The following ULK4 variants were observed in gnomAD, a reference collection of about 807,000 sequenced individuals.
The protein encoded by ULK4 is inactive serine/threonine-protein kinase ULK4.
A neutral mutation model predicts 160.6 loss-of-function variants in ULK4; 133 were observed. That is an observed-to-expected ratio of 0.83 (90% CI 0.72 to 0.96). The LOEUF is 0.96. Ranked by LOEUF, ULK4 falls within the 40% of genes least tolerant of loss-of-function variation. The pLI, the probability that ULK4 is intolerant of heterozygous loss-of-function variation, is 0.00. For missense variants in ULK4, 1,580 were observed against 1,499.5 expected (o/e 1.05, Z -0.89); for synonymous variants, 534 against 539.8 (o/e 0.99, Z 0.15).
At chr3:41,679,061 T>G (rs951901600) in intron 29 of ULK4, among the ~76,000 whole-genome samples, 63 of 152,326 alleles carry the variant, frequency 4.1e-4, no homozygotes, top group African/African-American at 1.4e-3. Context: ...AAAATTTTTT[T>G]TTACATCTAT....
intron 17 of ULK4, among the ~76,000 whole-genome samples, chr3:41,864,397 G>T (rs960908232): frequency 1.9e-4 from 29 of 150,316 alleles, no homozygotes; most frequent in African/African-American, 7.1e-4. Context: ...TGTTTTTGGT[G>T]CCTCTTTCAG....
At chr3:41,758,435 T>C (rs2038875909) in intron 21 of ULK4, among the ~76,000 whole-genome samples, 1 of 152,150 alleles carries the variant, frequency 6.6e-6, no homozygotes, top group African/African-American at 2.4e-5. Context: ...CACTTAGTTA[T>C]ACAAGACAAG....
intron 35 of ULK4, among the ~76,000 whole-genome samples, chr3:41,397,164 G>C (rs1012053056): frequency 6.6e-6 from 1 of 152,098 alleles, no homozygotes; most frequent in African/African-American, 2.4e-5. Flanking sequence ...TTCAACACTA[G>C]CTACTGTAAA....
In ULK4 at chr3:41,884,121, T is replaced by G. The variant is rs542455259; in HGVS notation, c.1578-169A>C. 2.1e-3 allele frequency among the ~76,000 whole-genome samples: 321 copies of G among 152,044 alleles called. 3 individuals are homozygous for G. Among genetic ancestry groups the G allele is most frequent in the Non-Finnish European group, 4.1e-3 (279 of 67,964 alleles). On this transcript the variant is annotated intron_variant, in intron 16 of 36. Transcript: ENST00000301831. ...CCACATGTACACAGCCCAGAGAAAC[T>G]CTCCCTCGTATACTTAGGGAGACAC...
At chr3:41,541,686 T>C (rs1362854089) in intron 32 of ULK4, among the ~76,000 whole-genome samples, 1 of 152,230 alleles carries the variant, frequency 6.6e-6, no homozygotes. Context: ...CATTTGTTCG[T>C]GCCCTCTCTC....
Position 41,883,919 on chromosome 3 carries a change from CA to C in ULK4, c.1610del (p.Leu537ArgfsTer21). On this transcript the variant is annotated frameshift_variant, in exon 17 of 37. Transcript: ENST00000301831. LOFTEE classifies it high-confidence loss of function. ...RAKVAHVIGL[L>X]ASHTAELQEN... is the part of the protein sequence containing the mutation. Reference sequence around the variant, plus strand: ...CCTGGAGCTCAGCTGTGTGCGAAGCCAGTAAACCAATTACGTGAGCAACCTT... The same window carrying C: ...CCTGGAGCTCAGCTGTGTGCGAAGCCGTAAACCAATTACGTGAGCAACCTT... 1 of 1,610,926 alleles carries C rather than the reference CA, an allele frequency of 6.2e-7. No homozygotes were observed. The highest frequency in any genetic ancestry group is 8.5e-7 in the Non-Finnish European group (1 of 1,177,022).
chr3:41,288,972 G>A (rs772460045), intron 35 of ULK4, among the ~76,000 whole-genome samples: 17 of 152,300 alleles, frequency 1.1e-4, no homozygotes, highest in Admixed American at 8.5e-4. Context: ...CCCCACCTCT[G>A]CCTGTAGGGG....
chr3:41,489,718 T>G (rs1461248270), intron 32 of ULK4, among the ~76,000 whole-genome samples: 1 of 152,170 alleles, frequency 6.6e-6, no homozygotes, highest in Non-Finnish European at 1.5e-5. Flanking sequence ...TAAGATCTAG[T>G]AAATACGAGT....
At chr3:41,606,668 T>C (rs906517273) in intron 31 of ULK4, among the ~76,000 whole-genome samples, 2 of 152,014 alleles carry the variant, frequency 1.3e-5, no homozygotes, top group East Asian at 3.9e-4. Context: ...GCCATTCTAA[T>C]AGAAGTAAGA....
At chr3:41,292,724 T>C (rs1045620631) in intron 35 of ULK4, among the ~76,000 whole-genome samples, 2 of 150,848 alleles carry the variant, frequency 1.3e-5, no homozygotes, top group African/African-American at 4.9e-5. Context: ...GGTGGATGGA[T>C]CACAAGGTCA....
intron 17 of ULK4, among the ~76,000 whole-genome samples, chr3:41,870,656 G>A (rs1279318134): frequency 6.6e-6 from 1 of 152,086 alleles, no homozygotes. Flanking sequence ...GTCTGCCATT[G>A]GTACAATGTG....
At chr3:41,529,007 T>C (rs1307931567) in intron 32 of ULK4, among the ~76,000 whole-genome samples, 2 of 152,056 alleles carry the variant, frequency 1.3e-5, no homozygotes, top group Non-Finnish European at 2.9e-5. Context: ...TTCCTTGTTG[T>C]TGCCAAGCTT....
intron 21 of ULK4, among the ~76,000 whole-genome samples, chr3:41,772,238 T>C (rs569168729): frequency 3.3e-5 from 5 of 151,544 alleles, no homozygotes; most frequent in Non-Finnish European, 7.4e-5. Flanking sequence ...CTGAAGGAGA[T>C]AGAGACACAA....
chr3:41,282,795 C>G (rs1270288546), intron 35 of ULK4, among the ~76,000 whole-genome samples: 3 of 152,094 alleles, frequency 2.0e-5, no homozygotes, highest in Non-Finnish European at 2.9e-5. Context: ...CCAAAATTGA[C>G]AAATGGGATC....
chr3:41,681,197 G>A (rs1258121778), intron 29 of ULK4, among the ~76,000 whole-genome samples: 1 of 152,010 alleles, frequency 6.6e-6, no homozygotes, highest in Non-Finnish European at 1.5e-5. Context: ...GTGTAATATA[G>A]ACCTTGAATC....
At chr3:41,406,962 C>T (rs185462841) in intron 34 of ULK4, among the ~76,000 whole-genome samples, 24 of 152,220 alleles carry the variant, frequency 1.6e-4, no homozygotes, top group Admixed American at 1.4e-3. Flanking sequence ...AGTTTCCAGG[C>T]CTATGTGCAG....
At chr3:41,486,126 C>T (rs1425497034) in intron 32 of ULK4, among the ~76,000 whole-genome samples, 1 of 152,084 alleles carries the variant, frequency 6.6e-6, no homozygotes, top group African/African-American at 2.4e-5. Context: ...CAAGCATGTG[C>T]ACGTATCTCA....
At chr3:41,916,166 T>C in intron 7 of ULK4, 114 bp from the exon 8 acceptor site, 1 of 638,526 alleles carries the variant, frequency 1.6e-6, no homozygotes, top group Non-Finnish European at 2.6e-6. Flanking sequence ...CATACATTAT[T>C]ATTAAGAGAA....
chr3:41,500,201 T>G (rs1381421995), intron 32 of ULK4, among the ~76,000 whole-genome samples: 1 of 151,440 alleles, frequency 6.6e-6, no homozygotes, highest in African/African-American at 2.4e-5. Flanking sequence ...TTTTATTATT[T>G]TCTTCCTTCT....
Sources: allele counts gnomAD v4.1 joint callset (sites outside exome capture counted in the v4.1 genomes callset), GRCh38; gene constraint gnomAD v4.1.1; transcripts MANE v1.5; gene names NCBI Gene and HGNC (gene_info 2026-07-23, HGNC 2026-07-21).